Variants in VRK3 observed in about 807,000 individuals in gnomAD.
VRK3 encodes the protein VRK serine/threonine kinase 3, also known as serine/threonine-protein kinase VRK3.
Under a neutral mutation model 60.4 loss-of-function variants are expected in VRK3, and 50 were observed. The ratio of observed to expected loss-of-function variants is 0.83; its 90% CI spans 0.66 to 1.05. The LOEUF is 1.05. Ranked by LOEUF, VRK3 falls within the 50% of genes least tolerant of loss-of-function variation. The pLI is 0.00. For synonymous variants in VRK3, 246 were observed against 227.8 expected, an observed-to-expected ratio of 1.08 and a Z score of -0.72; for missense variants, 549 against 585.3, an observed-to-expected ratio of 0.94 and a Z score of 0.64.
chr19:50,024,333 T>A (rs1391966427), intron 1 of VRK3, among the ~76,000 whole-genome samples: 1 of 152,220 alleles, frequency 6.6e-6, no homozygotes, highest in Non-Finnish European at 1.5e-5. Context: ...ACAAAATCTT[T>A]AAAAATTCTA....
chr19:50,000,340 G>A (rs1055640896), intron 6 of VRK3: 2 of 176,224 alleles, frequency 1.1e-5, no homozygotes, highest in Non-Finnish European at 1.2e-5. Flanking sequence ...CTCGGCACCC[G>A]ATGTGTGATT....
chr19:50,013,390 CT>C (rs569706760), intron 3 of VRK3, among the ~76,000 whole-genome samples: 2 of 152,154 alleles, frequency 1.3e-5, no homozygotes, highest in Non-Finnish European at 2.9e-5. Context: ...GCACTGTCCC[CT>C]TTTAGTAAGA....
At position 50,009,311 on chromosome 19, in the gene VRK3, G is replaced by C. The variant is rs756422072; in HGVS notation, c.214C>G (p.Pro72Ala). The C allele has an allele frequency of 6.2e-7, 1 of 1,614,030 alleles. No individual in the cohort carries two copies. The highest frequency in any genetic ancestry group is 1.3e-5 in the African/African-American group (1 of 74,920). The stretch of plus-strand genomic sequence containing the variant: ...CCATCTGAGAAGAGGGATAATCGGG[G>C]AGAGGTGACGGTGCTGGACCATTTC... Reference protein sequence around the residue: ...KVKWSSTVTSPRLSLFSDGDS... With the variant: ...KVKWSSTVTSARLSLFSDGDS... Residue 72 changes from proline (P) to alanine (A), a missense_variant, in exon 4 of 15, where the codon CCC (proline) becomes GCC (alanine). Physicochemically the swap from Pro to Ala is conservative, Grantham distance 27. Transcript: ENST00000316763.
intron 12 of VRK3, among the ~76,000 whole-genome samples, chr19:49,983,763 C>T (rs953327239): frequency 6.6e-6 from 1 of 152,208 alleles, no homozygotes; most frequent in African/African-American, 2.4e-5. Context: ...AGTAAACCGT[C>T]CTAGCGCAGG....
intron 3 of VRK3, among the ~76,000 whole-genome samples, chr19:50,014,498 G>A (rs2077042903): frequency 1.3e-5 from 2 of 151,890 alleles, no homozygotes; most frequent in Admixed American, 1.3e-4. Flanking sequence ...GACGGAGGTT[G>A]CAGTGAGCCG....
intron 13 of VRK3, among the ~76,000 whole-genome samples, chr19:49,980,615 G>A (rs933986349): frequency 6.6e-6 from 1 of 152,042 alleles, no homozygotes. Flanking sequence ...TACTTGGGAG[G>A]CTGAGGCACG....
chr19:50,020,914 G>A (rs1299258910), intron 1 of VRK3, among the ~76,000 whole-genome samples: 1 of 152,166 alleles, frequency 6.6e-6, no homozygotes. Context: ...GCAAGGAACC[G>A]CTGAACAGGT....
chr19:50,015,774 A>G (rs892796805), intron 3 of VRK3: 2 of 520,100 alleles, frequency 3.8e-6, no homozygotes, highest in Non-Finnish European at 6.9e-6. Context: ...ATCTCCTCCA[A>G]GCAGGGGAGT....
intron 13 of VRK3, 146 bp from the exon 14 acceptor site, chr19:49,979,388 C>A: frequency 8.5e-7 from 1 of 1,174,372 alleles, no homozygotes; most frequent in Non-Finnish European, 1.2e-6. Context: ...TGTTGCCTGG[C>A]ATTGCCAGAG....
At chr19:49,982,686 C>T (rs551408931) in intron 12 of VRK3, among the ~76,000 whole-genome samples, 1 of 152,312 alleles carries the variant, frequency 6.6e-6, no homozygotes, top group East Asian at 1.9e-4. Flanking sequence ...GTTACAACTA[C>T]TTTTAGTGAG....
At chr19:50,018,144 T>TA (rs1168156902) in intron 2 of VRK3, among the ~76,000 whole-genome samples, 2 of 152,330 alleles carry the variant, frequency 1.3e-5, no homozygotes, top group African/African-American at 4.8e-5. Context: ...TACCCCACTG[T>TA]AAAATGGGGC....
intron 1 of VRK3, among the ~76,000 whole-genome samples, chr19:50,021,869 G>A (rs157546): frequency 0.13 from 20,482 of 152,210 alleles, 1,580 homozygotes; most frequent in African/African-American, 0.22. Context: ...ATTATCTACA[G>A]AACCTTCCCA....
At chr19:50,007,431 A>G in intron 5 of VRK3, 138 bp downstream of exon 5, 4 of 1,322,830 alleles carry the variant, frequency 3.0e-6, no homozygotes, top group South Asian at 2.7e-5. Context: ...ATAGAGTCCA[A>G]GGTCTAAGAG....
chr19:50,021,351 G>A (rs1489098742), intron 1 of VRK3, among the ~76,000 whole-genome samples: 1 of 152,158 alleles, frequency 6.6e-6, no homozygotes, highest in Non-Finnish European at 1.5e-5. Flanking sequence ...ATAGAGGACC[G>A]GCAGCAGTAA....
chr19:50,009,571 G>T (rs1238307339), intron 3 of VRK3, among the ~76,000 whole-genome samples, 186 bp from the exon 4 acceptor site: 1 of 152,032 alleles, frequency 6.6e-6, no homozygotes, highest in African/African-American at 2.4e-5. Context: ...CTCCTTCTTA[G>T]GTCTTTGCCT....
chr19:49,982,850 T>C lies in VRK3; in HGVS notation c.1218-1837A>G, dbSNP rs191238785. ...TGATTTGCCCACTGCCTTTGCTCCATCCTCCAGGCCCAGCCCCTCCACTTC... is the reference window on the plus strand; with the variant it reads ...TGATTTGCCCACTGCCTTTGCTCCACCCTCCAGGCCCAGCCCCTCCACTTC... On this transcript the variant is annotated intron_variant, in intron 12 of 14. Coordinates refer to ENST00000316763, the MANE Select transcript of VRK3 (RefSeq NM_016440.4). Among the ~76,000 whole-genome samples the C allele has an allele frequency of 1.7e-4, 26 of 152,216 alleles. No homozygotes were observed. In the East Asian group the frequency reaches 4.3e-3, roughly 25 times the overall value.
intron 7 of VRK3, 144 bp downstream of exon 7, chr19:49,997,360 G>T: frequency 1.2e-6 from 1 of 808,102 alleles, no homozygotes; most frequent in Non-Finnish European, 1.9e-6. Context: ...GGTCACAGGA[G>T]TCAGGTTATG....
intron 13 of VRK3, 27 bp from the exon 14 acceptor site, chr19:49,979,269 G>C (rs1436232632): frequency 6.2e-7 from 1 of 1,613,792 alleles, no homozygotes; most frequent in Non-Finnish European, 8.5e-7. Context: ...CCCCAGCAAG[G>C]GAGAGCCTGA....
intron 7 of VRK3, 83 bp downstream of exon 7, chr19:49,997,421 T>A: frequency 6.1e-6 from 9 of 1,485,874 alleles, no homozygotes; most frequent in East Asian, 2.3e-5. Flanking sequence ...ACCCTTCTCA[T>A]GCCTGCAGGT....
Sources: allele counts gnomAD v4.1 joint callset (sites outside exome capture counted in the v4.1 genomes callset), GRCh38; gene constraint gnomAD v4.1.1; transcripts MANE v1.5; gene names NCBI Gene and HGNC (gene_info 2026-07-23, HGNC 2026-07-21).